Variants in STAU1 observed in about 807,000 individuals in gnomAD.
STAU1 encodes double-stranded RNA-binding protein Staufen homolog 1.
Under a neutral mutation model 62.9 loss-of-function variants are expected in STAU1, and 13 were observed. The ratio of observed to expected loss-of-function variants is 0.21; its 90% CI spans 0.13 to 0.33. The LOEUF (loss-of-function observed/expected upper bound fraction) is 0.33. Among genes scored for constraint, STAU1 ranks in the 10% least tolerant of loss-of-function variants. STAU1 has a pLI of 1.00. For missense variants in STAU1, 571 were observed against 712.1 expected, an observed-to-expected ratio of 0.80 and a Z score of 2.25; for synonymous variants, 269 against 265.1, an observed-to-expected ratio of 1.01 and a Z score of -0.14.
chr20:49,124,404 T>G lies in STAU1; in HGVS notation c.793A>C (p.Ile265Leu). 1 of 1,614,230 alleles carries G rather than the reference T, an allele frequency of 6.2e-7. No homozygotes were observed. The highest frequency in any genetic ancestry group is 1.7e-5 in the Admixed American group (1 of 60,020). ...LPAVERVKPR[I>L]KKKTKPIVKP... The stretch of plus-strand genomic sequence containing the variant: ...ACTATGGGTTTTGTTTTCTTTTTGA[T>G]TCTAGGCTTTACTCGTTCAACTGCA... The change falls in exon 7 of 14, where the codon ATC (isoleucine) becomes CTC (leucine). Residue 265 changes from isoleucine to leucine, a missense_variant. Physicochemically the swap from Ile to Leu is conservative, Grantham distance 5. Around this residue, in one of 3 missense-constraint regions of STAU1, gnomAD observed 414 missense variants for 499.6 expected, o/e 0.83. Coordinates refer to ENST00000371856, the MANE Select transcript of STAU1 (RefSeq NM_017453.4).
chr20:49,200,326 C>T, the STAU1 span, among the ~76,000 whole-genome samples: 3 of 152,112 alleles, frequency 2.0e-5, no homozygotes, highest in East Asian at 1.9e-4. Context: ...CGGCCAGGTG[C>T]GGTGGCTCAC....
intron 5 of STAU1, among the ~76,000 whole-genome samples, chr20:49,141,999 G>A (rs2093017524): frequency 6.6e-6 from 1 of 152,074 alleles, no homozygotes; most frequent in Non-Finnish European, 1.5e-5. Flanking sequence ...CAAGGCGGGA[G>A]GGTCACTTGA....
At chr20:49,124,295 G>A in intron 7 of STAU1, 80 bp downstream of exon 7, 1 of 1,457,022 alleles carries the variant, frequency 6.9e-7, no homozygotes, top group Admixed American at 1.8e-5. Context: ...CTTTCACCTT[G>A]GGGACAGCGA....
At chr20:49,218,541 A>AAAAC in the STAU1 span, among the ~76,000 whole-genome samples, 61 of 151,186 alleles carry the variant, frequency 4.0e-4, no homozygotes, top group Non-Finnish European at 6.5e-4. Flanking sequence ...TTTTTAATTA[A>AAAAC]AAACAAACAA....
intron 5 of STAU1, among the ~76,000 whole-genome samples, chr20:49,150,528 A>AT (rs1254046567): frequency 6.6e-6 from 1 of 151,948 alleles, no homozygotes; most frequent in Non-Finnish European, 1.5e-5. Flanking sequence ...CGCCCGGCGA[A>AT]TTTTTTGTAT....
intron 8 of STAU1, among the ~76,000 whole-genome samples, chr20:49,121,590 T>C (rs538823528): frequency 6.6e-6 from 1 of 152,210 alleles, no homozygotes; most frequent in South Asian, 2.1e-4. Context: ...CTGAAATATG[T>C]ATGAAATTTA....
At chr20:49,214,529 A>AAAAC in the STAU1 span, among the ~76,000 whole-genome samples, 61 of 149,488 alleles carry the variant, frequency 4.1e-4, no homozygotes, top group South Asian at 1.3e-3. Flanking sequence ...AAAAAAAAAA[A>AAAAC]AAAACAATAA....
intron 6 of STAU1, among the ~76,000 whole-genome samples, chr20:49,126,024 T>C (rs1265556666): frequency 6.6e-6 from 1 of 151,854 alleles, no homozygotes; most frequent in East Asian, 1.9e-4. Flanking sequence ...AACAGAAAGT[T>C]AGCTGCATAT....
intron 1 of STAU1, among the ~76,000 whole-genome samples, chr20:49,179,528 C>A (rs576472916): frequency 6.6e-6 from 1 of 152,064 alleles, no homozygotes; most frequent in African/African-American, 2.4e-5. Flanking sequence ...AATTGTGCAA[C>A]AAGGAAAATA....
the STAU1 span, among the ~76,000 whole-genome samples, chr20:49,202,663 G>A: frequency 2.7e-4 from 41 of 152,082 alleles, no homozygotes; most frequent in Admixed American, 2.2e-3. Context: ...CAGGAGGATC[G>A]CTTTAGCTCA....
the STAU1 span, among the ~76,000 whole-genome samples, chr20:49,198,551 T>C: frequency 2.2e-4 from 33 of 152,092 alleles, 1 homozygote; most frequent in Admixed American, 2.6e-4. Flanking sequence ...AAGAATGGGA[T>C]GGGCATGGTG....
At chr20:49,140,942 C>CA (rs2092992696) in intron 5 of STAU1, among the ~76,000 whole-genome samples, 2 of 150,436 alleles carry the variant, frequency 1.3e-5, no homozygotes, top group South Asian at 4.2e-4. Context: ...AGCTGTTTCC[C>CA]TGAAGAGCAT....
chr20:49,181,350 A>T (rs918089990), intron 1 of STAU1, among the ~76,000 whole-genome samples: 3 of 152,186 alleles, frequency 2.0e-5, no homozygotes, highest in African/African-American at 7.2e-5. Context: ...CTGTCCTTAC[A>T]CATAAACATC....
chr20:49,165,883 T>A (rs1215830782), intron 3 of STAU1, 114 bp downstream of exon 3: 3 of 1,053,634 alleles, frequency 2.8e-6, no homozygotes, highest in Non-Finnish European at 4.3e-6. Context: ...TGGTGATACT[T>A]TCTTTTGCTT....
chr20:49,145,995 C>T (rs1035179386), intron 5 of STAU1, among the ~76,000 whole-genome samples: 15 of 151,620 alleles, frequency 9.9e-5, no homozygotes, highest in African/African-American at 3.4e-4. Flanking sequence ...AGGCCAGGCG[C>T]TATGGCTCAT....
chr20:49,120,309 G>T (rs1040754709), intron 8 of STAU1, among the ~76,000 whole-genome samples, 181 bp from the exon 9 acceptor site: 1 of 152,160 alleles, frequency 6.6e-6, no homozygotes, highest in African/African-American at 2.4e-5. Context: ...TGGGAAGCTG[G>T]CTGTTAAACA....
At chr20:49,179,843 C>G (rs957888063) in intron 1 of STAU1, among the ~76,000 whole-genome samples, 1 of 152,184 alleles carries the variant, frequency 6.6e-6, no homozygotes, top group Non-Finnish European at 1.5e-5. Context: ...TCACTTCATG[C>G]CAAGGGGTAT....
intron 6 of STAU1, among the ~76,000 whole-genome samples, chr20:49,125,592 A>C (rs182476616): frequency 6.6e-6 from 1 of 151,228 alleles, no homozygotes; most frequent in Admixed American, 6.6e-5. Flanking sequence ...CACGCCTGTA[A>C]TCCCAGCACT....
At chr20:49,119,148 T>C (rs1432773610) in intron 9 of STAU1, among the ~76,000 whole-genome samples, 3 of 152,170 alleles carry the variant, frequency 2.0e-5, no homozygotes, top group Admixed American at 2.0e-4. Context: ...TTTGCTGAGG[T>C]CCTGCTTACC....
Sources: gnomAD v4.1 joint callset for allele counts (sites outside exome capture counted in the v4.1 genomes callset) on GRCh38, gnomAD v4.1.1 for gene constraint, gnomAD v4.1.1 regional missense constraint, MANE v1.5 for transcripts, NCBI Gene and HGNC (gene_info 2026-07-23, HGNC 2026-07-21) for gene names.